Variants in CRYBG1 observed in about 807,000 individuals in gnomAD.
CRYBG1 encodes crystallin beta-gamma domain containing 1.
Under a neutral mutation model 189.2 loss-of-function variants are expected in CRYBG1, and 139 were observed. That is an observed-to-expected ratio of 0.73 (90% CI 0.64 to 0.85). The LOEUF (loss-of-function observed/expected upper bound fraction) is 0.85, where lower values mean the gene tolerates loss of function less well. Among genes scored for constraint, CRYBG1 ranks in the 40% least tolerant of loss-of-function variants. The pLI is 0.00. For synonymous variants in CRYBG1, 1,023 were observed against 1,017.1 expected (o/e 1.01, Z -0.11); for missense variants, 2,611 against 2,675.8 (o/e 0.98, Z 0.53).
Position 106,511,776 on chromosome 6 carries a change from C to A in CRYBG1, c.659C>A (p.Ala220Glu). ...TCACCTCGCTGGAGCAGCAGTGCAGCGGCTGTGGCTGTGCAGCAGTGCCAT... is the reference window on the plus strand; with the variant it reads ...TCACCTCGCTGGAGCAGCAGTGCAGAGGCTGTGGCTGTGCAGCAGTGCCAT... ...ELSPRWSSSA[A>E]AVAVQQCHEN... Residue 220 changes from alanine (A) to glutamate (E), a missense_variant, in exon 3 of 22, where the codon GCG becomes GAG. This residue lies in a region of CRYBG1 where 985 missense variants were observed against 924.4 expected (regional missense o/e 1.07). Transcript: ENST00000633556. The A allele has an allele frequency of 6.5e-7, 1 of 1,534,434 alleles. No individual in the cohort carries two copies. The highest frequency in any genetic ancestry group is 8.7e-7 in the Non-Finnish European group (1 of 1,145,970).
intron 1 of CRYBG1, among the ~76,000 whole-genome samples, chr6:106,376,903 T>C (rs553584353): frequency 1.3e-5 from 2 of 152,310 alleles, no homozygotes; most frequent in South Asian, 4.1e-4. Context: ...GTTAAATTAG[T>C]TCAGGTCTGA....
intron 15 of CRYBG1, 151 bp from the exon 16 acceptor site, chr6:106,553,304 G>A (rs1177585107): frequency 8.3e-6 from 5 of 604,204 alleles, no homozygotes; most frequent in Non-Finnish European, 1.5e-5. Context: ...GATCATGAAT[G>A]TAGACATGGA....
intron 2 of CRYBG1, among the ~76,000 whole-genome samples, chr6:106,508,953 A>G (rs1353535991): frequency 7.2e-6 from 1 of 139,618 alleles, no homozygotes; most frequent in Non-Finnish European, 1.5e-5. Context: ...TAATGCCTAT[A>G]CTAAGCATAG....
chr6:106,384,335 C>T (rs148561406), intron 1 of CRYBG1, among the ~76,000 whole-genome samples: 98 of 152,184 alleles, frequency 6.4e-4, no homozygotes, highest in African/African-American at 2.1e-3. Context: ...CGGGGGAAGA[C>T]GGGGACGGGG....
At chr6:106,422,340 A>ATTTTTTTTTTTTTTTTTTTTTTT (rs747540246) in intron 1 of CRYBG1, among the ~76,000 whole-genome samples, 21 of 68,270 alleles carry the variant, frequency 3.1e-4, no homozygotes, top group African/African-American at 9.2e-4. Flanking sequence ...TTATTTATTT[A>ATTTTTTTTTTTTTTTTTTTTTTT]TTTATTTTTG....
intron 1 of CRYBG1, among the ~76,000 whole-genome samples, chr6:106,396,870 C>T (rs747121396): frequency 3.8e-4 from 58 of 152,248 alleles, no homozygotes; most frequent in Non-Finnish European, 5.9e-5. Flanking sequence ...TTAGTAGAGC[C>T]GAGGTTTCAC....
Position 106,395,781 on chromosome 6 carries a change from T to C in CRYBG1, c.173+34700T>C, listed in dbSNP as rs575512073. Among the ~76,000 whole-genome samples the C allele has an allele frequency of 2.0e-5, 3 of 151,788 alleles. No individual in the cohort carries two copies. The South Asian group carries it at 6.2e-4, about 32-fold the overall frequency. ...TGATTATTACATTACAAAGATACTATATATTCAGACCCCATATACATATAT... is the reference window on the plus strand; with the variant it reads ...TGATTATTACATTACAAAGATACTACATATTCAGACCCCATATACATATAT... On this transcript the variant is annotated intron_variant, in intron 1 of 21. Coordinates refer to ENST00000633556, the MANE Select transcript of CRYBG1 (RefSeq NM_001371242.2).
chr6:106,474,204 G>A (rs1228873181), intron 2 of CRYBG1, among the ~76,000 whole-genome samples: 2 of 152,206 alleles, frequency 1.3e-5, no homozygotes, highest in African/African-American at 4.8e-5. Context: ...TAAAATGTCA[G>A]CATTTTGCTG....
At chr6:106,552,323 C>T (rs978670150) in intron 15 of CRYBG1, 107 bp downstream of exon 15, 58 of 762,842 alleles carry the variant, frequency 7.6e-5, no homozygotes, top group East Asian at 3.3e-5. Flanking sequence ...TGGTGGCTCA[C>T]GCCTGTAATC....
intron 2 of CRYBG1, among the ~76,000 whole-genome samples, chr6:106,477,603 A>G (rs1204777033): frequency 2.6e-5 from 4 of 152,226 alleles, no homozygotes; most frequent in African/African-American, 9.7e-5. Flanking sequence ...TGAGCCTTAG[A>G]AAACTCCTAG....
rs777401307 is a variant in CRYBG1 at position 106,519,760 on chromosome 6, C to T, written c.2552C>T (p.Ala851Val). ...GATACCAAAGATTTACCTCCAACGG[C>T]CATGCCAAAGCCACAGCATACATTT... ...TVDTKDLPPT[A>V]MPKPQHTFSD... Residue 851 changes from alanine (A) to valine (V), a missense_variant, in exon 4 of 22, where the codon GCC becomes GTC. Ala to Val is a moderately conservative substitution (Grantham distance 64). Coordinates refer to ENST00000633556, the MANE Select transcript of CRYBG1 (RefSeq NM_001371242.2). The T allele has an allele frequency of 2.1e-5, 34 of 1,614,066 alleles. No homozygotes were observed. Among genetic ancestry groups the T allele is most frequent in the Non-Finnish European group, 2.8e-5 (33 of 1,180,050 alleles).
chr6:106,538,140 T>A (rs1774046915), intron 8 of CRYBG1, among the ~76,000 whole-genome samples: 1 of 146,560 alleles, frequency 6.8e-6, no homozygotes, highest in Admixed American at 6.8e-5. Context: ...GTGTAAGTGA[T>A]CACTAAGAAG....
intron 1 of CRYBG1, among the ~76,000 whole-genome samples, chr6:106,396,948 G>A (rs1222620862): frequency 4.6e-5 from 7 of 152,222 alleles, no homozygotes; most frequent in African/African-American, 1.2e-4. Context: ...CCAAATTGCT[G>A]GGATTACAGG....
chr6:106,550,409 A>G (rs1292706456), intron 13 of CRYBG1, among the ~76,000 whole-genome samples: 1 of 152,240 alleles, frequency 6.6e-6, no homozygotes, highest in Non-Finnish European at 1.5e-5. Context: ...TCTTCAATAT[A>G]ATGGTATTAA....
chr6:106,366,092 T>C (rs7767309), intron 1 of CRYBG1, among the ~76,000 whole-genome samples: 99,126 of 152,010 alleles, frequency 0.65, 32,379 homozygotes, highest in East Asian at 0.72. Flanking sequence ...GAACAATCAT[T>C]TAAAATGTTA....
chr6:106,539,028 C>T (rs1472353144), intron 8 of CRYBG1, among the ~76,000 whole-genome samples: 3 of 152,162 alleles, frequency 2.0e-5, no homozygotes, highest in Non-Finnish European at 4.4e-5. Context: ...GCTTCTCTTC[C>T]TCATAGCATG....
Position 106,519,316 on chromosome 6 carries a change from A to C in CRYBG1, c.2108A>C (p.Asn703Thr). The change falls in exon 4 of 22, where the codon AAT becomes ACT. Residue 703 changes from asparagine (N) to threonine (T), a missense_variant. Around this residue, in one of 3 missense-constraint regions of CRYBG1, gnomAD observed 1,622 missense variants for 1,735.0 expected, o/e 0.93. Transcript: ENST00000633556. Reference sequence around the variant, plus strand: ...CACACTGACATTCGAGGCCAAAGGAATACTCCTGCCTCTAGTAAAACGTTT... The same window carrying C: ...CACACTGACATTCGAGGCCAAAGGACTACTCCTGCCTCTAGTAAAACGTTT... ...PRHTDIRGQRNTPASSKTFVG... is the reference protein window; with the variant it reads ...PRHTDIRGQRTTPASSKTFVG... 1 of 1,614,174 alleles carries C rather than the reference A, an allele frequency of 6.2e-7. No homozygotes were observed. The highest frequency in any genetic ancestry group is 1.1e-5 in the South Asian group (1 of 91,084).
At chr6:106,436,356 C>T (rs6906621) in intron 1 of CRYBG1, among the ~76,000 whole-genome samples, 93,504 of 149,460 alleles carry the variant, frequency 0.63, 31,197 homozygotes, top group African/African-American at 0.87. Context: ...TGGAGTGCAG[C>T]GGCGCGATCT....
At chr6:106,563,622 C>A in intron 20 of CRYBG1, 142 bp from the exon 21 acceptor site, 1 of 702,354 alleles carries the variant, frequency 1.4e-6, no homozygotes, top group Non-Finnish European at 2.2e-6. Flanking sequence ...TTCTAGTTGG[C>A]TAAGAGCTGA....
Sources: allele counts gnomAD v4.1 joint callset (sites outside exome capture counted in the v4.1 genomes callset), GRCh38; gene constraint gnomAD v4.1.1; regional missense constraint gnomAD v4.1.1; transcripts MANE v1.5; gene names NCBI Gene and HGNC (gene_info 2026-07-23, HGNC 2026-07-21).